Variants in POT1 observed in about 807,000 individuals in gnomAD.
POT1 encodes the protein protection of telomeres protein 1.
In POT1, 47 loss-of-function variants were observed where a neutral mutation model predicts 78.5. The ratio of observed to expected loss-of-function variants is 0.60; its 90% CI spans 0.47 to 0.76. POT1 has a LOEUF of 0.76. Among genes scored for constraint, POT1 ranks in the 30% least tolerant of loss-of-function variants. POT1 has a pLI of 0.00. For missense variants in POT1, 646 were observed against 749.9 expected, an observed-to-expected ratio of 0.86 and a Z score of 1.62; for synonymous variants, 259 against 260.7, an observed-to-expected ratio of 0.99 and a Z score of 0.06.
chr7:124,824,163 G>T, intron 18 of POT1, 89 bp from the exon 19 acceptor site: 1 of 702,396 alleles, frequency 1.4e-6, no homozygotes. Flanking sequence ...CACTGAGCTA[G>T]AAAAATTAAC....
chr7:124,847,761 A>G (rs1332605307), intron 11 of POT1, among the ~76,000 whole-genome samples: 1 of 152,198 alleles, frequency 6.6e-6, no homozygotes, highest in Non-Finnish European at 1.5e-5. Flanking sequence ...TTTACATTGT[A>G]TTTTGATTTT....
chr7:124,836,413 G>A (rs1794902362), intron 14 of POT1, among the ~76,000 whole-genome samples: 2 of 152,098 alleles, frequency 1.3e-5, no homozygotes, highest in African/African-American at 4.8e-5. Context: ...CATTATGCAT[G>A]CTTAAAAACT....
chr7:124,891,498 TAATTC>T (rs1448228476), intron 6 of POT1, among the ~76,000 whole-genome samples: 4 of 151,560 alleles, frequency 2.6e-5, no homozygotes, highest in Admixed American at 6.6e-5. Context: ...TTAGGTAATT[TAATTC>T]ATTTATAATA....
intron 6 of POT1, among the ~76,000 whole-genome samples, chr7:124,876,087 C>G (rs1795983398): frequency 1.3e-5 from 2 of 152,054 alleles, no homozygotes; most frequent in African/African-American, 4.8e-5. Context: ...GCTGCTCTCT[C>G]CAAAAAAATT....
At chr7:124,839,774 C>T (rs1017835672) in intron 14 of POT1, among the ~76,000 whole-genome samples, 1 of 152,048 alleles carries the variant, frequency 6.6e-6, no homozygotes, top group African/African-American at 2.4e-5. Flanking sequence ...CTAGCCTCTT[C>T]CCCATTATCA....
At chr7:124,861,399 T>C (rs1450991445) in intron 8 of POT1, among the ~76,000 whole-genome samples, 2 of 152,084 alleles carry the variant, frequency 1.3e-5, no homozygotes, top group Non-Finnish European at 2.9e-5. Context: ...CACATAAATG[T>C]CTTCTTTTGA....
intron 3 of POT1, among the ~76,000 whole-genome samples, chr7:124,913,457 A>T (rs912502551): frequency 1.3e-5 from 2 of 152,138 alleles, no homozygotes; most frequent in Non-Finnish European, 2.9e-5. Context: ...ATGTCCTTTG[A>T]TGCATAAAAT....
intron 6 of POT1, among the ~76,000 whole-genome samples, chr7:124,883,177 T>G (rs1295178012): frequency 1.3e-5 from 2 of 152,096 alleles, no homozygotes; most frequent in Non-Finnish European, 2.9e-5. Context: ...ACTCAGTGTC[T>G]GTCTGATCCA....
rs1584772936 is a variant in POT1 at position 124,863,417 on chromosome 7, T to C, written c.479A>G (p.Gln160Arg). 9 of 1,613,978 alleles carry C rather than the reference T, an allele frequency of 5.6e-6. No homozygotes were observed. The highest frequency in any genetic ancestry group is 7.6e-6 in the Non-Finnish European group (9 of 1,179,878). Residue 160 changes from glutamine (Q) to arginine (R), a missense_variant, in exon 8 of 19, where the codon CAG becomes CGG. Gln to Arg is a conservative substitution (Grantham distance 43). Coordinates refer to ENST00000357628, the MANE Select transcript of POT1 (RefSeq NM_015450.3). ...GAGCTGACAAGTCAGGTCAAAATAC[T>C]GCATTGGCTGAACATCACACAATTT... ...LLKLCDVQPMQYFDLTCQLLG... is the reference protein window; with the variant it reads ...LLKLCDVQPMRYFDLTCQLLG...
chr7:124,844,126 G>GTT (rs34848715), intron 12 of POT1, among the ~76,000 whole-genome samples: 92 of 127,188 alleles, frequency 7.2e-4, no homozygotes, highest in Middle Eastern at 4.1e-3. Context: ...GGCGATTGTG[G>GTT]TTTTTTTTTT....
At chr7:124,830,930 A>G (rs1313901434) in intron 15 of POT1, among the ~76,000 whole-genome samples, 1 of 152,212 alleles carries the variant, frequency 6.6e-6, no homozygotes, top group African/African-American at 2.4e-5. Flanking sequence ...CTTACAATCA[A>G]TTACATGTAT....
chr7:124,835,379 T>G lies in POT1; in HGVS notation c.1405A>C (p.Lys469Gln). The stretch of plus-strand genomic sequence containing the variant: ...CTCACAGGAATTACACTATTAAACT[T>G]GTTCGAGAGTTTGCAAATTTCACTG... ...TLSEICKLSN[K>Q]FNSVIPVRSG... is the part of the protein sequence containing the mutation. The change falls in exon 15 of 19, where the codon AAG becomes CAG. Residue 469 changes from lysine to glutamine, a missense_variant. Physicochemically the swap from Lys to Gln is moderately conservative, Grantham distance 53. Coordinates refer to ENST00000357628, the MANE Select transcript of POT1 (RefSeq NM_015450.3). 6.2e-7 allele frequency: 1 copy of G among 1,613,808 alleles called. No homozygotes were observed. The highest frequency in any genetic ancestry group is 8.5e-7 in the Non-Finnish European group (1 of 1,179,730).
At chr7:124,906,578 T>C (rs182741423) in intron 3 of POT1, among the ~76,000 whole-genome samples, 1 of 152,188 alleles carries the variant, frequency 6.6e-6, no homozygotes, top group East Asian at 1.9e-4. Flanking sequence ...ACGTGGCACA[T>C]GTATACATAT....
rs528917328 is a variant in POT1 at position 124,880,094 on chromosome 7, C to A, written c.125-9053G>T. Among the ~76,000 whole-genome samples the A allele has an allele frequency of 3.3e-5, 5 of 152,126 alleles. No individual in the cohort carries two copies. In the South Asian group the frequency reaches 1.0e-3, roughly 32 times the overall value. On this transcript the variant is annotated intron_variant, in intron 6 of 18. Transcript: ENST00000357628. ...GAATAATGCCTGTATAGTTTTGATGCCCCTTTTCCCCACAAATGTGACATA... is the reference window on the plus strand; with the variant it reads ...GAATAATGCCTGTATAGTTTTGATGACCCTTTTCCCCACAAATGTGACATA...
intron 5 of POT1, among the ~76,000 whole-genome samples, chr7:124,894,450 G>T (rs1324674216): frequency 6.6e-6 from 1 of 151,464 alleles, no homozygotes; most frequent in Admixed American, 6.6e-5. Context: ...CCAAGTAACC[G>T]CCATTTGTTA....
chr7:124,913,780 C>T (rs999249310), intron 3 of POT1, among the ~76,000 whole-genome samples: 2 of 152,080 alleles, frequency 1.3e-5, no homozygotes, highest in African/African-American at 4.8e-5. Context: ...CTAATTGGAA[C>T]GTCTTTTATT....
intron 3 of POT1, among the ~76,000 whole-genome samples, chr7:124,907,800 T>A (rs2116676755): frequency 6.6e-6 from 1 of 152,210 alleles, no homozygotes. Context: ...TCAATTTTGC[T>A]GTGAACCTAA....
At chr7:124,913,821 G>A (rs914444641) in intron 3 of POT1, among the ~76,000 whole-genome samples, 7 of 151,910 alleles carry the variant, frequency 4.6e-5, no homozygotes, top group Non-Finnish European at 8.8e-5. Flanking sequence ...TTTTGCAATT[G>A]ACTGAACATG....
chr7:124,891,424 T>C (rs1796368874), intron 6 of POT1, among the ~76,000 whole-genome samples: 1 of 151,638 alleles, frequency 6.6e-6, no homozygotes, highest in Non-Finnish European at 1.5e-5. Flanking sequence ...AGGTGAGTTT[T>C]TGTAGACAGC....
Sources: allele counts gnomAD v4.1 joint callset (sites outside exome capture counted in the v4.1 genomes callset), GRCh38; gene constraint gnomAD v4.1.1; transcripts MANE v1.5; gene names NCBI Gene and HGNC (gene_info 2026-07-23, HGNC 2026-07-21).